ADGRD1: variants seen among roughly 807,000 people sequenced by gnomAD.
The protein encoded by ADGRD1 is adhesion G protein-coupled receptor D1.
Under a neutral mutation model 113.4 loss-of-function variants are expected in ADGRD1, and 77 were observed. The observed-to-expected ratio is 0.68, with a 90% CI of 0.57 to 0.82. ADGRD1 has a LOEUF of 0.82. ADGRD1 is among the 40% of genes least tolerant of loss of function. The probability of loss-of-function intolerance (pLI) is 0.00; values close to 1 mark genes in which losing one functional copy is unlikely to be tolerated. For synonymous variants in ADGRD1, 474 were observed against 475.0 expected, an observed-to-expected ratio of 1.00 and a Z score of 0.03; for missense variants, 1,036 against 1,139.1, an observed-to-expected ratio of 0.91 and a Z score of 1.30.
In ADGRD1 at chr12:130,954,643, G is replaced by T. The variant is rs1869298663; in HGVS notation, c.86G>T (p.Arg29Ile). Residue 29 changes from arginine (R) to isoleucine (I), a missense_variant, in exon 2 of 25, where the codon AGA becomes ATA. By Grantham distance (97) the Arg-to-Ile change is moderately conservative. Transcript: ENST00000261654. The surrounding 1 kb of genome is among the most constrained non-coding windows in gnomAD (Gnocchi z 4.7). ...YNFQVRGVYS[R>I]SQDHPGFQVL... The stretch of plus-strand genomic sequence containing the variant: ...GCGCAGGTGCGTGGCGTCTACTCCA[G>T]ATCGCAGGACCATCCAGGTAAGAGT... 6.2e-7 allele frequency: 1 copy of T among 1,613,542 alleles called. No individual in the cohort carries two copies.
At position 131,120,792 on chromosome 12, in the gene ADGRD1, TAC is replaced by T. The variant is rs1950573214; in HGVS notation, c.2109-54_2109-53del. On this transcript the variant is annotated intron_variant, in intron 19 of 24. Transcript: ENST00000261654. ...CTTAGCAACTACTTTTGGATGAAGGTACGCTGGCAGGTGGAACGAGGTTGTTG... is the reference window on the plus strand; with the variant it reads ...CTTAGCAACTACTTTTGGATGAAGGTGCTGGCAGGTGGAACGAGGTTGTTG... The T allele has an allele frequency of 2.0e-5, 31 of 1,569,500 alleles. 1 individual carries two copies. In the South Asian group the frequency reaches 3.1e-4, roughly 16 times the overall value.
chr12:131,037,902 A>G (rs1191395246), intron 13 of ADGRD1, among the ~76,000 whole-genome samples: 2 of 118,856 alleles, frequency 1.7e-5, no homozygotes, highest in African/African-American at 6.6e-5. Context: ...CTCACTCACC[A>G]CACCGGGTCT....
At chr12:130,980,074 G>A (rs970185084) in intron 4 of ADGRD1, among the ~76,000 whole-genome samples, 1 of 150,572 alleles carries the variant, frequency 6.6e-6, no homozygotes, top group African/African-American at 2.4e-5. Flanking sequence ...GGGTGGGTGC[G>A]GGGCATGCTC....
chr12:131,043,544 G>A (rs895343504), intron 13 of ADGRD1, among the ~76,000 whole-genome samples: 12 of 152,250 alleles, frequency 7.9e-5, no homozygotes, highest in Non-Finnish European at 1.2e-4. Flanking sequence ...TGCAGGCTGC[G>A]TGTGGGCAGG....
chr12:131,106,776 C>T (rs1408986709), intron 17 of ADGRD1, among the ~76,000 whole-genome samples: 1 of 152,194 alleles, frequency 6.6e-6, no homozygotes, highest in Non-Finnish European at 1.5e-5. Flanking sequence ...CAGGGCACCC[C>T]ACCTCAGACT....
intron 2 of ADGRD1, chr12:130,957,190 A>T (rs910366806): frequency 1.3e-5 from 2 of 152,332 alleles, no homozygotes; most frequent in African/African-American, 4.8e-5. Flanking sequence ...GTATTTACAC[A>T]TGTTCACACA....
chr12:130,954,110 C>T lies in ADGRD1; in HGVS notation c.-356C>T, dbSNP rs1368581632. 2 of 243,352 alleles carry T rather than the reference C, an allele frequency of 8.2e-6. No individual in the cohort carries two copies. The highest frequency in any genetic ancestry group is 1.7e-4 in the East Asian group (2 of 12,118). The allele number at this position is 243,352 out of a possible 1,614,324, so 15.1% of individuals were successfully genotyped here. A position where few individuals can be genotyped will look rare whatever the true frequency, so the allele number is the denominator to read the frequency against. On this transcript the variant is annotated 5_prime_UTR_variant, in exon 1 of 25. Coordinates refer to ENST00000261654, the MANE Select transcript of ADGRD1 (RefSeq NM_198827.5). The surrounding 1 kb of genome is among the most constrained non-coding windows in gnomAD (Gnocchi z 4.7). ...GGCTCTTGAAATAAAAAGAAAATAC[C>T]GCAGGACAAACAGCCTCCCGTCCCC...
At chr12:130,991,922 A>T (rs1329761569) in intron 7 of ADGRD1, among the ~76,000 whole-genome samples, 1 of 152,084 alleles carries the variant, frequency 6.6e-6, no homozygotes, top group East Asian at 1.9e-4. Context: ...GGAGCTCGAG[A>T]CCAGCCTGGC....
chr12:130,969,175 G>T lies in ADGRD1; in HGVS notation c.188-2283G>T, dbSNP rs116162127. 88 of 692,498 alleles carry T rather than the reference G, an allele frequency of 1.3e-4. No homozygotes were observed. The African/African-American group carries it at 1.4e-3, about 11-fold the overall frequency. The allele number at this position is 692,498 out of a possible 1,614,324, so 42.9% of individuals were successfully genotyped here. On this transcript the variant is annotated intron_variant, in intron 3 of 24. Transcript: ENST00000261654. Reference sequence around the variant, plus strand: ...TAGTATCTGAATTCACTATGTCTTGGCTAGCAAGTGAGCAAATGTCCCAGT... The same window carrying T: ...TAGTATCTGAATTCACTATGTCTTGTCTAGCAAGTGAGCAAATGTCCCAGT...
intron 13 of ADGRD1, chr12:131,030,529 A>G (rs758456346): frequency 2.0e-5 from 3 of 152,348 alleles, no homozygotes; most frequent in African/African-American, 7.2e-5. Flanking sequence ...TCTCTGCTCC[A>G]GTTGATGTGG....
rs372711985 is a variant in ADGRD1 at position 130,984,819 on chromosome 12, CCCTT to C, written c.491-2262_491-2259del. Among the ~76,000 whole-genome samples, 848 of 149,470 alleles carry C rather than the reference CCCTT, an allele frequency of 5.7e-3. 8 individuals carry two copies. The highest frequency in any genetic ancestry group is 0.02 in the African/African-American group (800 of 40,692). On this transcript the variant is annotated intron_variant, in intron 5 of 24. Transcript: ENST00000261654. This position sits in a 1 kb window ranked among gnomAD's most constrained non-coding sequence, Gnocchi z 4.1. ...TCTTTCCCTCCCTCCCTTCCTCCCT[CCCTT>C]CCTTCCTTCCTTCTTGCCTTCCATC...
rs1178741163 is a variant in ADGRD1, at chr12:131,075,055, A to G, written c.1474-1746A>G. ...CACTGGGTGAGGGGGTGATGGGAAGAGGCGTCGCCTCACTCCTGAGAAGCC... is the reference window on the plus strand; with the variant it reads ...CACTGGGTGAGGGGGTGATGGGAAGGGGCGTCGCCTCACTCCTGAGAAGCC... On this transcript the variant is annotated intron_variant, in intron 13 of 24. Transcript: ENST00000261654. The surrounding 1 kb of genome is among the most constrained non-coding windows in gnomAD (Gnocchi z 5.3). Among the ~76,000 whole-genome samples, 1 of 152,142 alleles carries G rather than the reference A, an allele frequency of 6.6e-6. No individual in the cohort carries two copies. Among genetic ancestry groups the G allele is most frequent in the Non-Finnish European group, 1.5e-5 (1 of 68,020 alleles).
chr12:131,036,883 C>A lies in ADGRD1; in HGVS notation c.1473+22543C>A, dbSNP rs114318537. ...TCACTACACCAGGTTTCACTCACTG[C>A]ACTGGGTCTTACTCACTGCACTGAG... On this transcript the variant is annotated intron_variant, in intron 13 of 24. Transcript: ENST00000261654. Among the ~76,000 whole-genome samples, 625 of 149,536 alleles carry A rather than the reference C, an allele frequency of 4.2e-3. 3 individuals carry two copies. The highest frequency in any genetic ancestry group is 0.015 in the African/African-American group (586 of 40,256).
chr12:131,004,618 G>A (rs970718919), intron 11 of ADGRD1, among the ~76,000 whole-genome samples: 12 of 152,134 alleles, frequency 7.9e-5, no homozygotes, highest in African/African-American at 2.9e-4. Flanking sequence ...TGGGGAATCC[G>A]GCCCACTGGG....
intron 12 of ADGRD1, among the ~76,000 whole-genome samples, chr12:131,011,823 G>T (rs1240097593): frequency 1.3e-5 from 2 of 152,240 alleles, no homozygotes; most frequent in East Asian, 1.9e-4. Flanking sequence ...GAGCATCGGG[G>T]CACTGGGCAC....
At position 131,113,813 on chromosome 12, in the gene ADGRD1, C is replaced by T. The variant is rs1378990957; in HGVS notation, c.2042-4572C>T. Reference sequence around the variant, plus strand: ...TGTCCTCTGCCCTCCCTCCAGGTCACGCATGACCTGCTTCTTCAGGCCTCT... The same window carrying T: ...TGTCCTCTGCCCTCCCTCCAGGTCATGCATGACCTGCTTCTTCAGGCCTCT... On this transcript the variant is annotated intron_variant, in intron 18 of 24. Coordinates refer to ENST00000261654, the MANE Select transcript of ADGRD1 (RefSeq NM_198827.5). The surrounding 1 kb of genome is among the most constrained non-coding windows in gnomAD (Gnocchi z 4.9). Among the ~76,000 whole-genome samples the T allele has an allele frequency of 2.0e-5, 3 of 152,208 alleles. No homozygotes were observed. The highest frequency in any genetic ancestry group is 1.3e-4 in the Admixed American group (2 of 15,284).
chr12:131,076,284 A>C (rs1312196846), intron 13 of ADGRD1, among the ~76,000 whole-genome samples: 2 of 152,218 alleles, frequency 1.3e-5, no homozygotes, highest in Non-Finnish European at 2.9e-5. Context: ...AAGGTAGCAA[A>C]CACACACAGT....
rs1298496040 is a variant in ADGRD1, at chr12:131,022,528, CA to C, written c.1473+8189del. Among the ~76,000 whole-genome samples, 1 of 152,180 alleles carries C rather than the reference CA, an allele frequency of 6.6e-6. No individual in the cohort carries two copies. Among genetic ancestry groups the C allele is most frequent in the Non-Finnish European group, 1.5e-5 (1 of 68,036 alleles). Reference sequence around the variant, plus strand: ...TTCAGTTGCTGGTGTTGCTATGACTCAGGGGTACTATTTCATCCCACAGGGC... The same window carrying C: ...TTCAGTTGCTGGTGTTGCTATGACTCGGGGTACTATTTCATCCCACAGGGC... On this transcript the variant is annotated intron_variant, in intron 13 of 24. Coordinates refer to ENST00000261654, the MANE Select transcript of ADGRD1 (RefSeq NM_198827.5). The surrounding 1 kb of genome is among the most constrained non-coding windows in gnomAD (Gnocchi z 4.6).
Position 130,954,295 on chromosome 12 carries a change from C to T in ADGRD1, c.-171C>T. ...AAGTTTTGAGACGAGGAAGAAACAC[C>T]CATTAGGTCTCCAAGACAGCTGTGT... is the stretch of plus-strand genomic sequence containing the variant. On this transcript the variant is annotated 5_prime_UTR_variant, in exon 1 of 25. Transcript: ENST00000261654. The surrounding 1 kb of genome is among the most constrained non-coding windows in gnomAD (Gnocchi z 4.7). The T allele has an allele frequency of 1.8e-6, 1 of 549,098 alleles. No individual in the cohort carries two copies. Among genetic ancestry groups the T allele is most frequent in the South Asian group, 2.8e-5 (1 of 36,106 alleles). 34.0% of individuals were successfully genotyped at this position (549,098 alleles called of 1,614,324 possible). A position where few individuals can be genotyped will look rare whatever the true frequency, so the allele number is the denominator to read the frequency against.
Sources: allele counts gnomAD v4.1 joint callset (sites outside exome capture counted in the v4.1 genomes callset), GRCh38; gene constraint gnomAD v4.1.1; non-coding constraint Gnocchi (gnomAD v3.1); transcripts MANE v1.5; gene names NCBI Gene and HGNC (gene_info 2026-07-23, HGNC 2026-07-21).